Variants in CD44 observed in about 807,000 individuals in gnomAD.
CD44 encodes CD44 molecule (IN blood group), also known as CD44 antigen.
A neutral mutation model predicts 88.8 loss-of-function variants in CD44; 49 were observed. The ratio of observed to expected loss-of-function variants is 0.55; its 90% confidence interval spans 0.44 to 0.70. The LOEUF (loss-of-function observed/expected upper bound fraction) is 0.70. Ranked by LOEUF, CD44 falls within the 30% of genes least tolerant of loss-of-function variation. CD44 has a pLI of 0.00. For synonymous variants in CD44, 325 were observed against 312.3 expected, an observed-to-expected ratio of 1.04 and a Z score of -0.43; for missense variants, 883 against 913.8, an observed-to-expected ratio of 0.97 and a Z score of 0.43.
At chr11:35,218,695 G>T (rs546405409) in intron 15 of CD44, among the ~76,000 whole-genome samples, 2 of 152,294 alleles carry the variant, frequency 1.3e-5, no homozygotes, top group East Asian at 1.9e-4. Context: ...GCTTTCTGGA[G>T]CGTGTGAGTC....
At chr11:35,162,452 C>T (rs1475410418) in intron 1 of CD44, among the ~76,000 whole-genome samples, 1 of 152,218 alleles carries the variant, frequency 6.6e-6, no homozygotes, top group Non-Finnish European at 1.5e-5. Context: ...TTGCATGGAT[C>T]ATGCTCCTTA....
At chr11:35,181,881 TA>T (rs1439830702) in intron 3 of CD44, among the ~76,000 whole-genome samples, 1,661 of 66,078 alleles carry the variant, frequency 0.025, 49 homozygotes, top group African/African-American at 0.085. Context: ...ATATTATATA[TA>T]ATTCTATATA....
At chr11:35,162,007 A>C (rs1456485881) in intron 1 of CD44, among the ~76,000 whole-genome samples, 1 of 152,198 alleles carries the variant, frequency 6.6e-6, no homozygotes, top group South Asian at 2.1e-4. Flanking sequence ...TCTGTGTAAC[A>C]CTATGAGTAT....
intron 15 of CD44, among the ~76,000 whole-genome samples, chr11:35,217,683 GATT>G (rs753953821): frequency 7.9e-5 from 12 of 152,156 alleles, no homozygotes; most frequent in Non-Finnish European, 1.5e-4. Context: ...TTGTAATCAA[GATT>G]TCAGTGTGCA....
intron 17 of CD44, chr11:35,222,478 A>G: frequency 1.6e-6 from 2 of 1,242,632 alleles, no homozygotes; most frequent in Middle Eastern, 2.2e-4. Flanking sequence ...GAAAACAACT[A>G]AATGAAGACA....
intron 1 of CD44, among the ~76,000 whole-genome samples, chr11:35,173,115 A>G (rs555290415): frequency 6.6e-6 from 1 of 152,250 alleles, no homozygotes; most frequent in Admixed American, 6.5e-5. Context: ...TGTAATAAGA[A>G]AGAAACTACC....
At chr11:35,142,860 G>T (rs1034946561) in intron 1 of CD44, among the ~76,000 whole-genome samples, 1 of 152,138 alleles carries the variant, frequency 6.6e-6, no homozygotes, top group Non-Finnish European at 1.5e-5. Flanking sequence ...CTGACTCATT[G>T]TCATAGACTC....
intron 1 of CD44, among the ~76,000 whole-genome samples, chr11:35,150,979 A>G (rs899432988): frequency 6.6e-6 from 1 of 152,260 alleles, no homozygotes; most frequent in African/African-American, 2.4e-5. Flanking sequence ...TTTGGTGGAA[A>G]TAAAGTTAAA....
intron 1 of CD44, among the ~76,000 whole-genome samples, chr11:35,167,775 T>G (rs956489003): frequency 6.6e-6 from 1 of 152,230 alleles, no homozygotes; most frequent in African/African-American, 2.4e-5. Flanking sequence ...CATCTCGTAA[T>G]GTCACAAGGA....
intron 1 of CD44, among the ~76,000 whole-genome samples, chr11:35,144,422 G>T (rs1013653844): frequency 4.6e-5 from 7 of 152,202 alleles, no homozygotes; most frequent in African/African-American, 1.7e-4. Context: ...AGAAACCGAT[G>T]ACTCAATTTC....
intron 1 of CD44, among the ~76,000 whole-genome samples, chr11:35,143,218 G>T (rs979008066): frequency 1.3e-5 from 2 of 151,784 alleles, no homozygotes; most frequent in African/African-American, 4.8e-5. Context: ...TTGTCCTGGG[G>T]CTTCTAGCAC....
intron 1 of CD44, among the ~76,000 whole-genome samples, chr11:35,141,087 T>G (rs1857828751): frequency 6.6e-6 from 1 of 152,174 alleles, no homozygotes; most frequent in Non-Finnish European, 1.5e-5. Context: ...AGGCATTATG[T>G]TAAATATTTT....
At chr11:35,195,294 A>C (rs1946630836) in intron 5 of CD44, among the ~76,000 whole-genome samples, 1 of 152,110 alleles carries the variant, frequency 6.6e-6, no homozygotes, top group Non-Finnish European at 1.5e-5. Context: ...ATTATTCTTT[A>C]CATTTGTTTG....
intron 11 of CD44, 142 bp downstream of exon 11, chr11:35,206,385 T>G (rs1262635432): frequency 4.0e-6 from 3 of 746,822 alleles, no homozygotes; most frequent in Non-Finnish European, 6.2e-6. Context: ...ATTAGTTTTC[T>G]TGGTAGGAGT....
intron 1 of CD44, among the ~76,000 whole-genome samples, chr11:35,168,153 T>C (rs1379420592): frequency 6.6e-6 from 1 of 152,150 alleles, no homozygotes; most frequent in African/African-American, 2.4e-5. Context: ...AAAATAATAT[T>C]CAATAAGCTC....
At position 35,229,241 on chromosome 11, in the gene CD44, G is replaced by A; in HGVS notation, c.2137G>A (p.Val713Met). ...ASKSQEMVHL[V>M]NKESSETPDQ... ...CAAGTCTCAGGAAATGGTGCATTTGGTGAACAAGGAGTCGTCAGAAACTCC... is the reference window on the plus strand; with the variant it reads ...CAAGTCTCAGGAAATGGTGCATTTGATGAACAAGGAGTCGTCAGAAACTCC... Residue 713 changes from valine (V) to methionine (M), a missense_variant, in exon 18 of 18, where the codon GTG (valine) becomes ATG (methionine). Around this residue, in one of 2 missense-constraint regions of CD44, gnomAD observed 631 missense variants for 590.9 expected, o/e 1.07. Coordinates refer to ENST00000428726, the MANE Select transcript of CD44 (RefSeq NM_000610.4). 6.2e-7 allele frequency: 1 copy of A among 1,614,068 alleles called. No homozygotes were observed. Among genetic ancestry groups the A allele is most frequent in the Non-Finnish European group, 8.5e-7 (1 of 1,179,940 alleles).
At chr11:35,175,796 G>C (rs1335477873) in intron 1 of CD44, among the ~76,000 whole-genome samples, 2 of 151,806 alleles carry the variant, frequency 1.3e-5, no homozygotes, top group Non-Finnish European at 2.9e-5. Flanking sequence ...TGGTGCTTTG[G>C]AATGCTGGAG....
At chr11:35,167,204 C>G (rs353627) in intron 1 of CD44, among the ~76,000 whole-genome samples, 86,103 of 152,046 alleles carry the variant, frequency 0.57, 25,452 homozygotes, top group African/African-American at 0.73. Context: ...TCAGTAGCAA[C>G]AGCACTGGTG....
intron 17 of CD44, chr11:35,223,245 A>G: frequency 1.0e-6 from 1 of 985,370 alleles, no homozygotes; most frequent in Non-Finnish European, 1.2e-6. Flanking sequence ...GAGCCTTTAC[A>G]AAGAGTCTTT....
Sources: gnomAD v4.1 joint callset for allele counts (sites outside exome capture counted in the v4.1 genomes callset) on GRCh38, gnomAD v4.1.1 for gene constraint, gnomAD v4.1.1 regional missense constraint, MANE v1.5 for transcripts, NCBI Gene and HGNC (gene_info 2026-07-23, HGNC 2026-07-21) for gene names.